The following BRD9 variants were observed in gnomAD, a reference collection of about 807,000 sequenced individuals.
The protein encoded by BRD9 is bromodomain-containing protein 9.
In BRD9, 47 loss-of-function variants were observed where a neutral mutation model predicts 68.7. That is an observed-to-expected ratio of 0.68 (90% CI 0.54 to 0.87). The LOEUF is 0.87. BRD9 is among the 40% of genes least tolerant of loss of function. The probability of loss-of-function intolerance (pLI) is 0.00; values close to 1 mark genes in which losing one functional copy is unlikely to be tolerated. For synonymous variants in BRD9, 313 were observed against 293.9 expected (o/e 1.06, Z -0.67); for missense variants, 670 against 748.4 (o/e 0.90, Z 1.22).
rs1403183641 is a variant in BRD9 at position 892,062 on chromosome 5, C to T, written c.53-208G>A. On this transcript the variant is annotated intron_variant, in intron 1 of 15. Transcript: ENST00000467963. Reference sequence around the variant, plus strand: ...TTCCCCTCCGCAGGGAGCTTCAGGTCCCTTTCGAGCCACGGTGTCCTCACC... The same window carrying T: ...TTCCCCTCCGCAGGGAGCTTCAGGTTCCTTTCGAGCCACGGTGTCCTCACC... 3 of 731,190 alleles carry T rather than the reference C, an allele frequency of 4.1e-6. No individual in the cohort carries two copies. In the Admixed American group the frequency reaches 8.9e-5, roughly 22 times the overall value. 45.3% of individuals were successfully genotyped at this position (731,190 alleles called of 1,614,324 possible).
intron 9 of BRD9, 70 bp downstream of exon 9, chr5:881,037 A>T: frequency 6.7e-7 from 1 of 1,500,292 alleles, no homozygotes; most frequent in African/African-American, 1.4e-5. Flanking sequence ...GCTTTTCATT[A>T]CAGAATATCA....
Position 891,937 on chromosome 5 carries a change from G to A in BRD9, c.53-83C>T, listed in dbSNP as rs1299671035. The A allele has an allele frequency of 8.5e-6, 13 of 1,523,950 alleles. No individual in the cohort carries two copies. The African/African-American group carries it at 9.7e-5, about 11-fold the overall frequency. The allele number at this position is 1,523,950 out of a possible 1,614,324, so 94.4% of individuals were successfully genotyped here. On this transcript the variant is annotated intron_variant, in intron 1 of 15. Coordinates refer to ENST00000467963, the MANE Select transcript of BRD9 (RefSeq NM_023924.5). The stretch of plus-strand genomic sequence containing the variant: ...AGGTGAGACGTGAAGGTGCTAAGAG[G>A]GAAAGGCCTCCCTAAGGAGTACAGC...
chr5:873,683 A>G (rs6555556), intron 12 of BRD9, among the ~76,000 whole-genome samples: 41,109 of 151,980 alleles, frequency 0.27, 8,442 homozygotes, highest in African/African-American at 0.56. Context: ...GCAAATACAC[A>G]CGTCCTTTCT....
Position 878,876 on chromosome 5 carries a change from G to A in BRD9, c.1139-389C>T, listed in dbSNP as rs1305221161. ...TCGCTGTGGGGGACACAGGCCAGGT[G>A]TACTGTGCAGTGTCCCATAGGGTGT... On this transcript the variant is annotated intron_variant, in intron 10 of 15. Transcript: ENST00000467963. The A allele has an allele frequency of 4.5e-5, 10 of 224,242 alleles. No homozygotes were observed. In the African/African-American group the frequency reaches 5.9e-4, roughly 13 times the overall value. The allele number at this position is 224,242 out of a possible 1,614,324, so 13.9% of individuals were successfully genotyped here.
Position 888,966 on chromosome 5 carries a change from G to A in BRD9, c.606+55C>T, listed in dbSNP as rs766207695. 2.5e-5 allele frequency: 38 copies of A among 1,545,800 alleles called. No homozygotes were observed. The East Asian group carries it at 8.0e-4, about 33-fold the overall frequency. On this transcript the variant is annotated intron_variant, in intron 5 of 15. Coordinates refer to ENST00000467963, the MANE Select transcript of BRD9 (RefSeq NM_023924.5). ...TCTAAGGTGAATGAAGTCTTCACAAGACATGAATACACAGAACTATGCCAC... is the reference window on the plus strand; with the variant it reads ...TCTAAGGTGAATGAAGTCTTCACAAAACATGAATACACAGAACTATGCCAC...
At chr5:874,515 G>A (rs1368082351) in intron 12 of BRD9, among the ~76,000 whole-genome samples, 3 of 152,148 alleles carry the variant, frequency 2.0e-5, no homozygotes, top group Admixed American at 1.3e-4. Context: ...AGACAGCGAG[G>A]GTCAGGACTG....
At chr5:871,344 G>A (rs1750099899) in intron 13 of BRD9, among the ~76,000 whole-genome samples, 182 bp downstream of exon 13, 1 of 152,206 alleles carries the variant, frequency 6.6e-6, no homozygotes, top group South Asian at 2.1e-4. Context: ...ATGTACTGCG[G>A]CTTCACACCA....
intron 14 of BRD9, 172 bp downstream of exon 14, chr5:870,301 A>G: frequency 1.7e-6 from 1 of 597,322 alleles, no homozygotes; most frequent in Non-Finnish European, 3.0e-6. Context: ...GGAGATTCCA[A>G]GGATTTTAGG....
rs1441982656 is a variant in BRD9 at position 887,436 on chromosome 5, T to C, written c.642A>G (p.Thr214=). Residue 214 remains threonine, a synonymous_variant, in exon 6 of 16, where the codon ACA becomes ACG. Coordinates refer to ENST00000467963, the MANE Select transcript of BRD9 (RefSeq NM_023924.5). ...AGTACACGGTATCTGGCCTATTGTA[T>C]GTCATTGCATTATCACACATCAGCT... ...DFKLMCDNAM[T]YNRPDTVYYK... is the part of the protein sequence containing the mutation. 1.2e-5 allele frequency: 20 copies of C among 1,613,984 alleles called. No homozygotes were observed. Among genetic ancestry groups the C allele is most frequent in the East Asian group, 4.5e-5 (2 of 44,900 alleles).
intron 11 of BRD9, among the ~76,000 whole-genome samples, chr5:877,515 C>T (rs1304268714): frequency 1.3e-5 from 2 of 152,142 alleles, no homozygotes; most frequent in African/African-American, 2.4e-5. Context: ...TGTCAAGATG[C>T]CATTTCTTAA....
intron 8 of BRD9, chr5:883,022 C>T: frequency 3.0e-6 from 1 of 329,244 alleles, no homozygotes; most frequent in Non-Finnish European, 5.9e-6. Context: ...TGCAACCTCC[C>T]AACACGCAAG....
intron 1 of BRD9, chr5:892,062 CCCTTTCGAGCCACGGTGTCCTCA>C (rs1175126764): frequency 1.4e-6 from 1 of 731,072 alleles, no homozygotes; most frequent in Non-Finnish European, 2.2e-6. Context: ...AGCTTCAGGT[CCCTTTCGAGCCACGGTGTCCTCA>C]CCAGAGGCCC....
rs1560939321 is a variant in BRD9, at chr5:892,794, C to T, written c.-137G>A. 10 of 1,038,390 alleles carry T rather than the reference C, an allele frequency of 9.6e-6. No individual in the cohort carries two copies. The highest frequency in any genetic ancestry group is 1.2e-5 in the Non-Finnish European group (10 of 815,696). 64.3% of individuals were successfully genotyped at this position (1,038,390 alleles called of 1,614,324 possible). A position where few individuals can be genotyped will look rare whatever the true frequency, so the allele number is the denominator to read the frequency against. ...AGGTTGCCGAGCTCGCTGGGCCGCG[C>T]CGGAAACGGGGCGAGGCGGGGCCGC... is the stretch of plus-strand genomic sequence containing the variant. On this transcript the variant is annotated 5_prime_UTR_variant, in exon 1 of 16. Coordinates refer to ENST00000467963, the MANE Select transcript of BRD9 (RefSeq NM_023924.5).
rs750532591 is a variant in BRD9 at position 889,008 on chromosome 5, GAA to G, written c.606+11_606+12del. 6 of 1,602,908 alleles carry G rather than the reference GAA, an allele frequency of 3.7e-6. No homozygotes were observed. Among genetic ancestry groups the G allele is most frequent in the Non-Finnish European group, 4.3e-6 (5 of 1,175,546 alleles). ...CTATGCCACGATTACTTCGGGCAAT[GAA>G]AGTAACTTACCTTAAATTCCGTAAC... is the stretch of plus-strand genomic sequence containing the variant. On this transcript the variant is annotated intron_variant, in intron 5 of 15. Transcript: ENST00000467963.
At chr5:880,967 G>T in intron 9 of BRD9, 140 bp downstream of exon 9, 6 of 821,328 alleles carry the variant, frequency 7.3e-6, no homozygotes, top group South Asian at 1.7e-5. Context: ...TGTCACGTTG[G>T]GGTGCGAGCA....
intron 1 of BRD9, 190 bp downstream of exon 1, chr5:892,416 C>G (rs957259801): frequency 7.7e-7 from 1 of 1,301,934 alleles, no homozygotes; most frequent in African/African-American, 1.6e-5. Flanking sequence ...AACGTAAGCG[C>G]CTACCCAGGA....
At chr5:876,390 A>G (rs543019996) in intron 11 of BRD9, among the ~76,000 whole-genome samples, 178 bp from the exon 12 acceptor site, 1 of 152,362 alleles carries the variant, frequency 6.6e-6, no homozygotes, top group East Asian at 1.9e-4. Context: ...AAAGTGGTCC[A>G]TGACCCAAAA....
intron 14 of BRD9, 25 bp downstream of exon 14, chr5:870,448 T>G: frequency 1.3e-6 from 2 of 1,564,920 alleles, no homozygotes; most frequent in South Asian, 2.2e-5. Context: ...CCAGGTGCTG[T>G]GGGAAAGTGC....
chr5:875,297 G>A (rs1750738869), intron 12 of BRD9, among the ~76,000 whole-genome samples: 1 of 151,618 alleles, frequency 6.6e-6, no homozygotes, highest in Non-Finnish European at 1.5e-5. Context: ...GTCAGATCTG[G>A]CCGAAAAGAC....
Sources: allele counts gnomAD v4.1 joint callset (sites outside exome capture counted in the v4.1 genomes callset), GRCh38; gene constraint gnomAD v4.1.1; transcripts MANE v1.5; gene names NCBI Gene and HGNC (gene_info 2026-07-23, HGNC 2026-07-21).